ATM: variants seen among roughly 807,000 people sequenced by gnomAD.
The protein encoded by ATM is ATM serine/threonine kinase, also known as serine-protein kinase ATM.
In ATM, 308 loss-of-function variants were observed where a neutral mutation model predicts 387.0. The ratio of observed to expected loss-of-function variants is 0.80; its 90% CI spans 0.73 to 0.87. The LOEUF (loss-of-function observed/expected upper bound fraction) is 0.87. ATM is among the 40% of genes least tolerant of loss of function. ATM has a pLI of 0.00. For synonymous variants in ATM, 1,156 were observed against 1,187.3 expected, an observed-to-expected ratio of 0.97 and a Z score of 0.54; for missense variants, 3,312 against 3,560.9, an observed-to-expected ratio of 0.93 and a Z score of 1.78.
intron 1 of ATM, chr11:108,225,232 TAAG>T (rs1461183901): frequency 6.6e-6 from 1 of 152,072 alleles, no homozygotes; most frequent in Non-Finnish European, 1.5e-5. Flanking sequence ...ATTGAAGAAG[TAAG>T]AAGATTCCTA....
Position 108,272,746 on chromosome 11 carries a change from ATTC to A in ATM, c.3181_3183del (p.Leu1061del). 6.2e-7 allele frequency: 1 copy of A among 1,614,058 alleles called. No homozygotes were observed. Among genetic ancestry groups the A allele is most frequent in the Non-Finnish European group, 8.5e-7 (1 of 1,179,988 alleles). ...GGCTGATCCTTATTCAAAATGGGCC[ATTC>A]TTAATGTAATGGGAAAAGACTTTCC... is the stretch of plus-strand genomic sequence containing the variant. On this transcript the variant is annotated inframe_deletion, in exon 22 of 63. Transcript: ENST00000675843.
intron 26 of ATM, among the ~76,000 whole-genome samples, chr11:108,285,365 T>C (rs1464149492): frequency 1.3e-5 from 2 of 152,088 alleles, no homozygotes; most frequent in Non-Finnish European, 2.9e-5. Flanking sequence ...ATTTTGAGTA[T>C]TCATTAAATG....
At chr11:108,334,435 A>G (rs2086611804) in intron 54 of ATM, among the ~76,000 whole-genome samples, 1 of 152,206 alleles carries the variant, frequency 6.6e-6, no homozygotes, top group East Asian at 1.9e-4. Context: ...CTCTGTTCTA[A>G]TATTCTTTTA....
rs2136658802 is a variant in ATM, at chr11:108,335,034, A to G, written c.8076A>G (p.Leu2692=). Residue 2692 remains leucine, a synonymous_variant, in exon 55 of 63, where the codon TTA becomes TTG. Coordinates refer to ENST00000675843, the MANE Select transcript of ATM (RefSeq NM_000051.4). ...AGTCATTTAAAGCAGAATTTCGCTTAGCAGGAGGTGTAAATTTACCAAAAA... is the reference window on the plus strand; with the variant it reads ...AGTCATTTAAAGCAGAATTTCGCTTGGCAGGAGGTGTAAATTTACCAAAAA... ...TIQSFKAEFR[L]AGGVNLPKII... is the part of the protein sequence containing the mutation. 1 of 1,614,128 alleles carries G rather than the reference A, an allele frequency of 6.2e-7. No individual in the cohort carries two copies. The highest frequency in any genetic ancestry group is 8.5e-7 in the Non-Finnish European group (1 of 1,179,972).
intron 16 of ATM, among the ~76,000 whole-genome samples, chr11:108,262,278 G>A (rs371170792): frequency 7.2e-5 from 11 of 152,302 alleles, no homozygotes; most frequent in South Asian, 4.1e-4. Flanking sequence ...GACTAACAGC[G>A]GATCTCTCCG....
In ATM at chr11:108,317,607, G is replaced by T. The variant is rs573968136; in HGVS notation, c.6347+86G>T. On this transcript the variant is annotated intron_variant, in intron 43 of 62. Coordinates refer to ENST00000675843, the MANE Select transcript of ATM (RefSeq NM_000051.4). ...TTTTTCTCTTCTATGAATATAACAGGAGTTGTTTTATATATATATATATAT... is the reference window on the plus strand; with the variant it reads ...TTTTTCTCTTCTATGAATATAACAGTAGTTGTTTTATATATATATATATAT... 222 of 591,696 alleles carry T rather than the reference G, an allele frequency of 3.8e-4. 1 individual carries two copies. In the Admixed American group the frequency reaches 6.5e-3, roughly 17 times the overall value. The allele number at this position is 591,696 out of a possible 1,614,324, so 36.7% of individuals were successfully genotyped here. A position where few individuals can be genotyped will look rare whatever the true frequency, so the allele number is the denominator to read the frequency against.
Position 108,249,632 on chromosome 11 carries a change from A to T in ATM, c.1235+530A>T, listed in dbSNP as rs971282456. On this transcript the variant is annotated intron_variant, in intron 9 of 62. Coordinates refer to ENST00000675843, the MANE Select transcript of ATM (RefSeq NM_000051.4). ...TCCCAAAATATTAGATCTGGTAAGG[A>T]TGTTTAGAATTTATCTAGTTCAGCC... 4.6e-5 allele frequency among the ~76,000 whole-genome samples: 7 copies of T among 152,340 alleles called. No homozygotes were observed. The East Asian group carries it at 1.2e-3, about 25-fold the overall frequency.
At chr11:108,363,517 G>T (rs1591376358) in intron 61 of ATM, among the ~76,000 whole-genome samples, 1 of 152,112 alleles carries the variant, frequency 6.6e-6, no homozygotes, top group Non-Finnish European at 1.5e-5. Flanking sequence ...GCAATGTCTG[G>T]AGGCATTTTT....
chr11:108,337,680 A>T (rs919874852), intron 56 of ATM, among the ~76,000 whole-genome samples: 1 of 152,234 alleles, frequency 6.6e-6, no homozygotes, highest in African/African-American at 2.4e-5. Context: ...TTGATGATCT[A>T]TTAGCTATCT....
In ATM at chr11:108,249,723, T is replaced by A. The variant is rs565751214; in HGVS notation, c.1235+621T>A. On this transcript the variant is annotated intron_variant, in intron 9 of 62. Coordinates refer to ENST00000675843, the MANE Select transcript of ATM (RefSeq NM_000051.4). ...AAGCAACTTCTGTAGGGACAGAGAT[T>A]TATAGATTATAGTCAAACTCGTGAT... 1.2e-4 allele frequency among the ~76,000 whole-genome samples: 18 copies of A among 152,324 alleles called. No homozygotes were observed. In the South Asian group the frequency reaches 3.5e-3, roughly 30 times the overall value.
chr11:108,234,873 T>C (rs2079190674), intron 4 of ATM, among the ~76,000 whole-genome samples: 1 of 151,810 alleles, frequency 6.6e-6, no homozygotes, highest in Admixed American at 6.6e-5. Context: ...GGTGTTTGTA[T>C]GCCATAAATG....
rs1004037959 is a variant in ATM at position 108,329,420 on chromosome 11, T to G, written c.7307+182T>G. ...TTTCGGTTTTTGTTTTTTGTTTTTT[T>G]TTTTGAGACAAGGTCTCACTCTGTC... On this transcript the variant is annotated intron_variant, in intron 49 of 62. Coordinates refer to ENST00000675843, the MANE Select transcript of ATM (RefSeq NM_000051.4). The G allele has an allele frequency of 5.2e-5, 32 of 618,372 alleles. No homozygotes were observed. In the African/African-American group the frequency reaches 5.7e-4, roughly 11 times the overall value. 38.3% of individuals were successfully genotyped at this position (618,372 alleles called of 1,614,324 possible).
chr11:108,316,157 G>A (rs1166741338), intron 42 of ATM, 44 bp downstream of exon 42: 7 of 1,533,336 alleles, frequency 4.6e-6, no homozygotes, highest in Non-Finnish European at 6.3e-6. Context: ...CTAGTGTAGT[G>A]CTGAGGTTAT....
At chr11:108,251,734 T>C in intron 10 of ATM, 103 bp from the exon 11 acceptor site, 3 of 1,115,440 alleles carry the variant, frequency 2.7e-6, no homozygotes, top group Non-Finnish European at 4.1e-6. Context: ...TATGTTCATT[T>C]AGTCACCTTA....
At chr11:108,342,107 T>C (rs548802921) in intron 56 of ATM, among the ~76,000 whole-genome samples, 2 of 152,332 alleles carry the variant, frequency 1.3e-5, no homozygotes, top group Admixed American at 6.5e-5. Context: ...TTTTTTCTTT[T>C]TTAGCTCATC....
At chr11:108,297,574 A>G (rs542633335) in intron 33 of ATM, among the ~76,000 whole-genome samples, 192 bp downstream of exon 33, 2 of 152,328 alleles carry the variant, frequency 1.3e-5, no homozygotes, top group South Asian at 4.1e-4. Context: ...ATATTCTGTG[A>G]TGTTCACGCA....
At chr11:108,299,479 T>C (rs2083301962) in intron 33 of ATM, 1 of 398,050 alleles carries the variant, frequency 2.5e-6, no homozygotes, top group Non-Finnish European at 4.8e-6. Context: ...GTATTTTTAG[T>C]AAAGATGGGG....
chr11:108,249,392 A>G (rs1008794193), intron 9 of ATM, among the ~76,000 whole-genome samples: 2 of 152,198 alleles, frequency 1.3e-5, no homozygotes, highest in African/African-American at 4.8e-5. Context: ...ACCTCATGGA[A>G]TTCACTGAAT....
chr11:108,364,964 C>T (rs1385949429), intron 61 of ATM, 118 bp from the exon 62 acceptor site: 3 of 1,134,548 alleles, frequency 2.6e-6, no homozygotes, highest in Non-Finnish European at 2.6e-6. Context: ...GATGTTTGTT[C>T]CCCTCCCCCA....
Sources: allele counts gnomAD v4.1 joint callset (sites outside exome capture counted in the v4.1 genomes callset), GRCh38; gene constraint gnomAD v4.1.1; transcripts MANE v1.5; gene names NCBI Gene and HGNC (gene_info 2026-07-23, HGNC 2026-07-21).